Variants in NRXN3 observed in about 807,000 individuals in gnomAD.
NRXN3 encodes neurexin 3, also known as neurexin III.
NRXN3 carries 32 observed loss-of-function variants against 137.6 expected under a neutral mutation model. The observed-to-expected ratio is 0.23, with a 90% CI of 0.18 to 0.31. The LOEUF (loss-of-function observed/expected upper bound fraction) is 0.31, where lower values mean the gene tolerates loss of function less well. NRXN3 is among the 10% of genes least tolerant of loss of function. The probability of loss-of-function intolerance (pLI) is 1.00; values close to 1 mark genes in which losing one functional copy is unlikely to be tolerated. For missense variants in NRXN3, 1,574 were observed against 2,062.5 expected, an observed-to-expected ratio of 0.76 and a Z score of 4.59; for synonymous variants, 798 against 784.5, an observed-to-expected ratio of 1.02 and a Z score of -0.29.
rs112848808 is a variant in NRXN3 at position 78,251,684 on chromosome 14, G to A, written c.709+7882G>A. Among the ~76,000 whole-genome samples the A allele has an allele frequency of 2.4e-4, 37 of 152,346 alleles. 1 individual carries two copies. Among genetic ancestry groups the A allele is most frequent in the African/African-American group, 8.7e-4 (36 of 41,580 alleles). ...CAGGGAATATAGGAATGTCATTTGG[G>A]AAGGTGTGGTGGGAAGAGGAGATGT... On this transcript the variant is annotated intron_variant, in intron 2 of 20. Coordinates refer to ENST00000335750, the MANE Select transcript of NRXN3 (RefSeq NM_001330195.2).
At chr14:79,831,631 A>T (rs1230691440) in intron 20 of NRXN3, among the ~76,000 whole-genome samples, 5 of 152,008 alleles carry the variant, frequency 3.3e-5, no homozygotes, top group Non-Finnish European at 5.9e-5. Flanking sequence ...CAGCTCCATC[A>T]CTCTAAGAAA....
chr14:79,746,094 G>A (rs1603460408), intron 19 of NRXN3, among the ~76,000 whole-genome samples: 1 of 152,106 alleles, frequency 6.6e-6, no homozygotes, highest in East Asian at 1.9e-4. Context: ...AGCCATAACA[G>A]GCTTCTATAG....
intron 15 of NRXN3, among the ~76,000 whole-genome samples, chr14:79,314,415 C>T (rs1319557452): frequency 6.7e-5 from 2 of 30,046 alleles, no homozygotes; most frequent in African/African-American, 1.3e-4. Context: ...GAGGGTCCTA[C>T]GCCCACGGAA....
chr14:78,675,965 A>G (rs1361297014), intron 6 of NRXN3, among the ~76,000 whole-genome samples: 1 of 152,072 alleles, frequency 6.6e-6, no homozygotes, highest in Admixed American at 6.6e-5. Flanking sequence ...TACTATTGTA[A>G]TTGTTTTGGG....
chr14:78,448,393 A>G (rs1205287749), intron 4 of NRXN3, among the ~76,000 whole-genome samples: 1 of 152,240 alleles, frequency 6.6e-6, no homozygotes. Context: ...TCAATAGGTC[A>G]TGGGTACTTG....
At chr14:79,845,918 CAGAG>C (rs903528680) in intron 20 of NRXN3, among the ~76,000 whole-genome samples, 3 of 142,298 alleles carry the variant, frequency 2.1e-5, no homozygotes, top group African/African-American at 8.0e-5. Flanking sequence ...GAGACGGAGA[CAGAG>C]AGAGATGGAG....
intron 15 of NRXN3, among the ~76,000 whole-genome samples, chr14:79,037,296 C>T (rs1413336318): frequency 6.6e-6 from 1 of 152,086 alleles, no homozygotes; most frequent in African/African-American, 2.4e-5. Flanking sequence ...CTCAAATACA[C>T]AGGCAGAAAG....
intron 8 of NRXN3, among the ~76,000 whole-genome samples, chr14:78,793,971 AT>A (rs2098813386): frequency 6.6e-6 from 1 of 152,156 alleles, no homozygotes; most frequent in South Asian, 2.1e-4. Flanking sequence ...CTTACACAAT[AT>A]GTGATAAAAA....
At chr14:78,536,252 G>A (rs563405698) in intron 4 of NRXN3, among the ~76,000 whole-genome samples, 1 of 152,176 alleles carries the variant, frequency 6.6e-6, no homozygotes, top group South Asian at 2.1e-4. Context: ...ACAATGGCTG[G>A]TGTTGTTTTC....
chr14:79,124,946 C>T (rs2056137004), intron 15 of NRXN3, among the ~76,000 whole-genome samples: 2 of 152,082 alleles, frequency 1.3e-5, no homozygotes, highest in Admixed American at 1.3e-4. Context: ...TCCTAGAAAG[C>T]AAGCTATAAT....
At chr14:79,533,034 A>G (rs2097182855) in intron 16 of NRXN3, among the ~76,000 whole-genome samples, 1 of 152,086 alleles carries the variant, frequency 6.6e-6, no homozygotes, top group Admixed American at 6.6e-5. Context: ...GGGTATTTCA[A>G]TTGAGTAAGC....
chr14:78,978,543 GTA>G (rs2099477848), intron 14 of NRXN3, among the ~76,000 whole-genome samples: 3 of 151,794 alleles, frequency 2.0e-5, no homozygotes, highest in Non-Finnish European at 4.4e-5. Context: ...ACTCAACACT[GTA>G]AATTTAGAAA....
At chr14:79,302,045 T>C (rs78181358) in intron 15 of NRXN3, among the ~76,000 whole-genome samples, 3,201 of 152,120 alleles carry the variant, frequency 0.021, 74 homozygotes, top group South Asian at 0.081. Flanking sequence ...AATCAAACTT[T>C]TCAAATGTCA....
rs375399521 is a variant in NRXN3 at position 79,593,406 on chromosome 14, G to A, written c.3445-70372G>A. 2.1e-4 allele frequency among the ~76,000 whole-genome samples: 32 copies of A among 152,134 alleles called. No individual in the cohort carries two copies. In the East Asian group the frequency reaches 3.3e-3, roughly 16 times the overall value. On this transcript the variant is annotated intron_variant, in intron 16 of 20. Coordinates refer to ENST00000335750, the MANE Select transcript of NRXN3 (RefSeq NM_001330195.2). ...AGCACTTTGGGAGGCCGAGGCGTGC[G>A]GATCACCAGGTCAGGAGATCGAGAC...
At chr14:78,367,640 C>T (rs2086175598) in intron 4 of NRXN3, among the ~76,000 whole-genome samples, 1 of 152,172 alleles carries the variant, frequency 6.6e-6, no homozygotes, top group African/African-American at 2.4e-5. Flanking sequence ...TGGAATCAAA[C>T]CTGCCTTTGG....
chr14:78,581,404 T>C (rs1225772602), intron 4 of NRXN3, among the ~76,000 whole-genome samples: 1 of 152,206 alleles, frequency 6.6e-6, no homozygotes, highest in Non-Finnish European at 1.5e-5. Context: ...TGCTACTTCC[T>C]CCTAAGGGGA....
chr14:79,610,126 T>C (rs1466869788), intron 16 of NRXN3, among the ~76,000 whole-genome samples: 1 of 152,058 alleles, frequency 6.6e-6, no homozygotes, highest in African/African-American at 2.4e-5. Context: ...ACAAATAGTG[T>C]CACATATAGT....
chr14:78,947,549 A>G (rs73325331), intron 10 of NRXN3, among the ~76,000 whole-genome samples: 1 of 152,226 alleles, frequency 6.6e-6, no homozygotes, highest in Non-Finnish European at 1.5e-5. Context: ...GACTTACGCT[A>G]TTTAAGAATG....
chr14:78,487,559 A>G (rs571853945), intron 4 of NRXN3, among the ~76,000 whole-genome samples: 6 of 152,220 alleles, frequency 3.9e-5, no homozygotes, highest in South Asian at 2.1e-4. Context: ...CCTGGCCAAC[A>G]TGGTGAAACC....
Sources: allele counts gnomAD v4.1 joint callset (sites outside exome capture counted in the v4.1 genomes callset), GRCh38; gene constraint gnomAD v4.1.1; transcripts MANE v1.5; gene names NCBI Gene and HGNC (gene_info 2026-07-23, HGNC 2026-07-21).